The following CYTH4 variants were observed in gnomAD, a reference collection of about 807,000 sequenced individuals.
CYTH4 encodes the protein cytohesin-4.
A neutral mutation model predicts 57.5 loss-of-function variants in CYTH4; 22 were observed. The ratio of observed to expected loss-of-function variants is 0.38; its 90% confidence interval spans 0.27 to 0.55. The LOEUF is 0.55. CYTH4 is among the 20% of genes least tolerant of loss of function. The pLI, the probability that CYTH4 is intolerant of heterozygous loss-of-function variation, is 0.74. For synonymous variants in CYTH4, 186 were observed against 206.5 expected, an observed-to-expected ratio of 0.90 and a Z score of 0.85; for missense variants, 420 against 535.6, an observed-to-expected ratio of 0.78 and a Z score of 2.13.
At chr22:37,284,755 C>G (rs969525232) in intron 1 of CYTH4, among the ~76,000 whole-genome samples, 2 of 152,146 alleles carry the variant, frequency 1.3e-5, no homozygotes, top group African/African-American at 4.8e-5. Flanking sequence ...CTCAGGGGCC[C>G]CCAGGGCTGC....
Position 37,312,166 on chromosome 22 carries a change from G to C in CYTH4, c.1104G>C (p.Glu368Asp). The change falls in exon 12 of 13, where the codon GAG becomes GAC. Residue 368 changes from glutamate (E) to aspartate (D), a missense_variant. Coordinates refer to ENST00000248901, the MANE Select transcript of CYTH4 (RefSeq NM_013385.5). ...TSAEERDQWI[E>D]SIRASITRVP... The stretch of plus-strand genomic sequence containing the variant: ...CCGAGGAACGTGACCAGTGGATCGA[G>C]TCCATCCGGTAAGGGGTGCCCAGGT... The C allele has an allele frequency of 6.2e-7, 1 of 1,614,142 alleles. No individual in the cohort carries two copies. Among genetic ancestry groups the C allele is most frequent in the South Asian group, 1.1e-5 (1 of 91,092 alleles).
intron 8 of CYTH4, among the ~76,000 whole-genome samples, chr22:37,306,451 G>A (rs554487271): frequency 2.0e-5 from 3 of 152,250 alleles, no homozygotes; most frequent in Admixed American, 6.5e-5. Flanking sequence ...TGAGCTCCAT[G>A]AGAGGTAGCT....
intron 8 of CYTH4, among the ~76,000 whole-genome samples, chr22:37,305,377 G>C (rs1361366561): frequency 2.6e-5 from 4 of 152,174 alleles, no homozygotes; most frequent in Admixed American, 2.0e-4. Flanking sequence ...AACCCAGAGA[G>C]GCAGACACAG....
intron 8 of CYTH4, among the ~76,000 whole-genome samples, chr22:37,308,941 C>G (rs1462083273): frequency 6.6e-6 from 1 of 152,062 alleles, no homozygotes; most frequent in Admixed American, 6.5e-5. Context: ...GGGCTGACCC[C>G]TGCTCGCTCT....
At chr22:37,305,913 A>G (rs910408670) in intron 8 of CYTH4, among the ~76,000 whole-genome samples, 1 of 151,518 alleles carries the variant, frequency 6.6e-6, no homozygotes, top group African/African-American at 2.5e-5. Context: ...GGGTTGAGCC[A>G]ACCTTGCTCT....
chr22:37,284,164 C>T (rs1056674616), intron 1 of CYTH4, among the ~76,000 whole-genome samples: 1 of 152,112 alleles, frequency 6.6e-6, no homozygotes, highest in Admixed American at 6.5e-5. Flanking sequence ...TTTGCTTCAG[C>T]CGGTACTAGG....
chr22:37,313,659 A>T lies in CYTH4; in HGVS notation c.*148A>T. 1.3e-6 allele frequency: 1 copy of T among 746,898 alleles called. No individual in the cohort carries two copies. The highest frequency in any genetic ancestry group is 2.2e-6 in the Non-Finnish European group (1 of 446,950). 46.3% of individuals were successfully genotyped at this position (746,898 alleles called of 1,614,324 possible). A position where few individuals can be genotyped will look rare whatever the true frequency, so the allele number is the denominator to read the frequency against. On this transcript the variant is annotated 3_prime_UTR_variant, in exon 13 of 13. Coordinates refer to ENST00000248901, the MANE Select transcript of CYTH4 (RefSeq NM_013385.5). ...TACCTCGAGCTGACTCTAGAGGGGA[A>T]GGCAGAGCTCAGGAGGGTGGGTGGG... is the stretch of plus-strand genomic sequence containing the variant.
intron 1 of CYTH4, among the ~76,000 whole-genome samples, chr22:37,285,923 C>T (rs145871974): frequency 6.6e-6 from 1 of 152,226 alleles, no homozygotes; most frequent in African/African-American, 2.4e-5. Flanking sequence ...CGGGACAGGA[C>T]CCCCGTCAGA....
In CYTH4 at chr22:37,311,098, C is replaced by T; in HGVS notation, c.885+34C>T. On this transcript the variant is annotated intron_variant, in intron 10 of 12. Transcript: ENST00000248901. This position sits in a 1 kb window ranked among gnomAD's most constrained non-coding sequence, Gnocchi z 4.4. Reference sequence around the variant, plus strand: ...GGTTCTCCTGGGCCTTCCCCTGCCCCCGCCTCTCCCCGCACAACCCACTTC... The same window carrying T: ...GGTTCTCCTGGGCCTTCCCCTGCCCTCGCCTCTCCCCGCACAACCCACTTC... The T allele has an allele frequency of 6.2e-7, 1 of 1,608,268 alleles. No individual in the cohort carries two copies. Among genetic ancestry groups the T allele is most frequent in the East Asian group, 2.2e-5 (1 of 44,858 alleles).
chr22:37,308,632 G>A (rs951316685), intron 8 of CYTH4, among the ~76,000 whole-genome samples: 7 of 152,098 alleles, frequency 4.6e-5, no homozygotes, highest in Non-Finnish European at 7.4e-5. Flanking sequence ...ATGCATGTCT[G>A]TGTGAGTATG....
At chr22:37,307,074 G>A (rs1929425584) in intron 8 of CYTH4, among the ~76,000 whole-genome samples, 1 of 152,228 alleles carries the variant, frequency 6.6e-6, no homozygotes, top group Non-Finnish European at 1.5e-5. Flanking sequence ...GAGGGACACA[G>A]AGCCAGCAGG....
At chr22:37,312,574 C>T (rs1053109802) in intron 12 of CYTH4, among the ~76,000 whole-genome samples, 4 of 152,218 alleles carry the variant, frequency 2.6e-5, no homozygotes, top group African/African-American at 9.7e-5. Context: ...CCCATGTGGG[C>T]AACCAGCAGG....
In CYTH4 at chr22:37,311,723, C is replaced by T. The variant is rs1929650632; in HGVS notation, c.957+196C>T. ...GAAAAGGTCAATGTGGGTCCAAGGA[C>T]GTGGTTGTCCCCTGTTGTCCCACAC... On this transcript the variant is annotated intron_variant, in intron 11 of 12. Transcript: ENST00000248901. The surrounding 1 kb of genome is among the most constrained non-coding windows in gnomAD (Gnocchi z 4.4). 11 of 667,808 alleles carry T rather than the reference C, an allele frequency of 1.6e-5. No homozygotes were observed. The highest frequency in any genetic ancestry group is 4.1e-4 in the Middle Eastern group (1 of 2,456). The allele number at this position is 667,808 out of a possible 1,614,324, so 41.4% of individuals were successfully genotyped here.
At chr22:37,285,009 C>A (rs1442528802) in intron 1 of CYTH4, among the ~76,000 whole-genome samples, 4 of 149,320 alleles carry the variant, frequency 2.7e-5, no homozygotes, top group Non-Finnish European at 5.9e-5. Flanking sequence ...GGGGCTGGGG[C>A]GGGGAGCAGC....
chr22:37,312,017 C>T lies in CYTH4; in HGVS notation c.958-3C>T, dbSNP rs1413736438. The T allele has an allele frequency of 6.2e-7, 1 of 1,611,894 alleles. No individual in the cohort carries two copies. Among genetic ancestry groups the T allele is most frequent in the East Asian group, 2.2e-5 (1 of 44,766 alleles). ...CCACCCTTGCCTGGCCACCTCCCCA[C>T]AGTTCTGCCTGGAGCTCTACAACCC... On this transcript the variant is annotated splice_polypyrimidine_tract_variant and splice_region_variant and intron_variant, in intron 11 of 12. Coordinates refer to ENST00000248901, the MANE Select transcript of CYTH4 (RefSeq NM_013385.5).
rs371803659 is a variant in CYTH4, at chr22:37,308,885, CGT to C, written c.697-316_697-315del. Among the ~76,000 whole-genome samples, 811 of 151,380 alleles carry C rather than the reference CGT, an allele frequency of 5.4e-3. 6 individuals carry two copies. Among genetic ancestry groups the C allele is most frequent in the African/African-American group, 0.018 (749 of 41,222 alleles). ...GTGCATACATGTGCGTGTGTGTGCA[CGT>C]GTGTGTGTGTAAGCATGTATATTTG... is the stretch of plus-strand genomic sequence containing the variant. On this transcript the variant is annotated intron_variant, in intron 8 of 12. Coordinates refer to ENST00000248901, the MANE Select transcript of CYTH4 (RefSeq NM_013385.5).
intron 8 of CYTH4, chr22:37,304,186 C>G: frequency 4.4e-6 from 2 of 456,666 alleles, no homozygotes; most frequent in Middle Eastern, 6.5e-4. Context: ...CATGGGAGTG[C>G]TCCCAGAGGA....
intron 1 of CYTH4, among the ~76,000 whole-genome samples, chr22:37,283,831 C>T (rs55958136): frequency 0.016 from 2,388 of 152,054 alleles, 22 homozygotes; most frequent in Middle Eastern, 0.078. Context: ...GGAGACCCAG[C>T]GAAGGGCAGC....
At chr22:37,294,626 T>C in intron 2 of CYTH4, 34 bp from the exon 3 acceptor site, 2 of 1,612,428 alleles carry the variant, frequency 1.2e-6, no homozygotes, top group South Asian at 1.1e-5. Flanking sequence ...CCTCCACCCC[T>C]GACTCTCCCT....
Sources: allele counts gnomAD v4.1 joint callset (sites outside exome capture counted in the v4.1 genomes callset), GRCh38; gene constraint gnomAD v4.1.1; non-coding constraint Gnocchi (gnomAD v3.1); transcripts MANE v1.5; gene names NCBI Gene and HGNC (gene_info 2026-07-23, HGNC 2026-07-21).